The following TRIM37 variants were observed in gnomAD, a reference collection of about 807,000 sequenced individuals.
TRIM37 encodes tripartite motif containing 37, also known as E3 ubiquitin-protein ligase TRIM37.
In TRIM37, 80 loss-of-function variants were observed where a neutral mutation model predicts 129.8. The ratio of observed to expected loss-of-function variants is 0.62; its 90% CI spans 0.51 to 0.74. The LOEUF (loss-of-function observed/expected upper bound fraction) is 0.74. TRIM37 is among the 30% of genes least tolerant of loss of function. The pLI is 0.00. For synonymous variants in TRIM37, 389 were observed against 387.1 expected, an observed-to-expected ratio of 1.00 and a Z score of -0.06; for missense variants, 1,054 against 1,176.5, an observed-to-expected ratio of 0.90 and a Z score of 1.52.
chr17:59,032,550 A>AAAAG (rs1568030774), intron 17 of TRIM37, among the ~76,000 whole-genome samples: 45 of 150,510 alleles, frequency 3.0e-4, no homozygotes, highest in South Asian at 6.3e-4. Context: ...AAAAAAAAAA[A>AAAAG]AAAGAAAGAA....
the TRIM37 span, among the ~76,000 whole-genome samples, chr17:58,976,461 A>ACT: frequency 6.6e-6 from 1 of 152,194 alleles, no homozygotes; most frequent in Non-Finnish European, 1.5e-5. Flanking sequence ...GGGGGCTGCA[A>ACT]AAGGACAAGA....
intron 6 of TRIM37, among the ~76,000 whole-genome samples, chr17:59,080,127 T>C (rs1381577837): frequency 6.6e-6 from 1 of 152,262 alleles, no homozygotes; most frequent in Non-Finnish European, 1.5e-5. Flanking sequence ...AGAAGACATC[T>C]GCTTTTAATT....
At chr17:59,029,275 T>G (rs2037577438) in intron 18 of TRIM37, among the ~76,000 whole-genome samples, 1 of 152,098 alleles carries the variant, frequency 6.6e-6, no homozygotes, top group East Asian at 1.9e-4. Flanking sequence ...AAAAAAAAAT[T>G]TTTTTATTAG....
exon 25 of TRIM37, chr17:58,982,831 C>A: frequency 7.4e-7 from 1 of 1,358,432 alleles, no homozygotes; most frequent in South Asian, 1.3e-5. Flanking sequence ...GAGGCTTTGC[C>A]CCACACATGG....
intron 6 of TRIM37, among the ~76,000 whole-genome samples, chr17:59,080,268 A>C (rs1358347317): frequency 6.6e-6 from 1 of 152,254 alleles, no homozygotes; most frequent in Non-Finnish European, 1.5e-5. Flanking sequence ...TTGGGGGCTT[A>C]TCACATTTTT....
intron 11 of TRIM37, among the ~76,000 whole-genome samples, chr17:59,061,872 A>G (rs2041523762): frequency 6.6e-6 from 1 of 152,110 alleles, no homozygotes; most frequent in Non-Finnish European, 1.5e-5. Context: ...CTTCATTTTT[A>G]GTCTACTTTG....
intron 2 of TRIM37, among the ~76,000 whole-genome samples, chr17:59,097,419 T>A (rs1193900965): frequency 6.6e-6 from 1 of 152,030 alleles, no homozygotes; most frequent in Non-Finnish European, 1.5e-5. Context: ...TTAAAGCTAA[T>A]AAACACAACA....
At chr17:59,003,373 A>G (rs1371512099) in intron 22 of TRIM37, among the ~76,000 whole-genome samples, 1 of 152,200 alleles carries the variant, frequency 6.6e-6, no homozygotes, top group African/African-American at 2.4e-5. Context: ...TAAGAAATTA[A>G]CATAAAAATT....
chr17:59,070,453 G>GATTTCT (rs1306484327), intron 9 of TRIM37, among the ~76,000 whole-genome samples: 5 of 152,190 alleles, frequency 3.3e-5, no homozygotes, highest in African/African-American at 1.2e-4. Flanking sequence ...AAAAAAAAAT[G>GATTTCT]ATTTCTAGTT....
intron 17 of TRIM37, among the ~76,000 whole-genome samples, chr17:59,036,450 GTGTGTGT>G (rs1568042145): frequency 5.1e-4 from 66 of 130,642 alleles, no homozygotes; most frequent in Non-Finnish European, 9.2e-4. Flanking sequence ...TGCTGGGGGT[GTGTGTGT>G]GTGTGTGTGT....
rs751538194 is a variant in TRIM37 at position 59,104,530 on chromosome 17, G to C, written c.22-136C>G. ...TTTTAACTATTCCATATCAGGATTT[G>C]GTTGGTCAAGATACAGAGTACCTCA... On this transcript the variant is annotated intron_variant, in intron 1 of 23. Coordinates refer to ENST00000262294, the MANE Select transcript of TRIM37 (RefSeq NM_015294.6). The C allele has an allele frequency of 7.0e-6, 6 of 851,076 alleles. No homozygotes were observed. In the Admixed American group the frequency reaches 8.5e-5, roughly 12 times the overall value. 52.7% of individuals were successfully genotyped at this position (851,076 alleles called of 1,614,324 possible). A position where few individuals can be genotyped will look rare whatever the true frequency, so the allele number is the denominator to read the frequency against.
the TRIM37 span, among the ~76,000 whole-genome samples, chr17:58,976,930 A>G: frequency 6.6e-6 from 1 of 152,214 alleles, no homozygotes; most frequent in African/African-American, 2.4e-5. Flanking sequence ...GTCAGGTAGA[A>G]TAGGGGATGG....
intron 18 of TRIM37, among the ~76,000 whole-genome samples, chr17:59,031,193 A>G (rs189938536): frequency 6.6e-6 from 1 of 152,344 alleles, no homozygotes; most frequent in African/African-American, 2.4e-5. Context: ...CATCAAAATC[A>G]GAGTTCTAAA....
At chr17:59,067,779 G>T (rs1470789803) in intron 9 of TRIM37, among the ~76,000 whole-genome samples, 1 of 144,148 alleles carries the variant, frequency 6.9e-6, no homozygotes, top group Non-Finnish European at 1.6e-5. Flanking sequence ...CAGGTGATCC[G>T]CCCGCCTCGG....
At chr17:59,088,121 C>A in intron 4 of TRIM37, 170 bp downstream of exon 4, 1 of 625,184 alleles carries the variant, frequency 1.6e-6, no homozygotes, top group African/African-American at 1.8e-5. Context: ...TAAATAAACA[C>A]AATAAGAATA....
intron 2 of TRIM37, among the ~76,000 whole-genome samples, chr17:59,098,668 T>TAAAAAA (rs57583644): frequency 9.6e-6 from 1 of 103,762 alleles, no homozygotes; most frequent in Non-Finnish European, 1.9e-5. Flanking sequence ...CTGTCTCATT[T>TAAAAAA]AAAAAAAAAA....
intron 2 of TRIM37, among the ~76,000 whole-genome samples, chr17:59,091,581 TATA>T (rs1296903464): frequency 3.3e-5 from 4 of 123,042 alleles, no homozygotes; most frequent in African/African-American, 1.3e-4. Context: ...ATATATAATG[TATA>T]ATATATTATA....
intron 16 of TRIM37, among the ~76,000 whole-genome samples, chr17:59,044,543 CAA>C (rs1480538791): frequency 6.6e-6 from 1 of 151,732 alleles, no homozygotes; most frequent in Non-Finnish European, 1.5e-5. Flanking sequence ...GCCTGGGCGA[CAA>C]GAGCGAAACT....
chr17:59,007,315 T>C (rs1191166772), intron 22 of TRIM37, among the ~76,000 whole-genome samples: 1 of 148,008 alleles, frequency 6.8e-6, no homozygotes, highest in Admixed American at 6.9e-5. Context: ...TGTACCTTCT[T>C]ATTGAGAGAT....
Sources: allele counts gnomAD v4.1 joint callset (sites outside exome capture counted in the v4.1 genomes callset), GRCh38; gene constraint gnomAD v4.1.1; transcripts MANE v1.5; gene names NCBI Gene and HGNC (gene_info 2026-07-23, HGNC 2026-07-21).